Variants in RABGAP1L observed in about 807,000 individuals in gnomAD.
RABGAP1L encodes the protein RAB GTPase activating protein 1 like.
Under a neutral mutation model 137.7 loss-of-function variants are expected in RABGAP1L, and 63 were observed. The observed-to-expected ratio is 0.46, with a 90% CI of 0.37 to 0.56. RABGAP1L has a LOEUF of 0.56. Among genes scored for constraint, RABGAP1L ranks in the 20% least tolerant of loss-of-function variants. The probability of loss-of-function intolerance (pLI) is 0.00; values close to 1 mark genes in which losing one functional copy is unlikely to be tolerated. For missense variants in RABGAP1L, 1,095 were observed against 1,244.0 expected, an observed-to-expected ratio of 0.88 and a Z score of 1.80; for synonymous variants, 431 against 433.7, an observed-to-expected ratio of 0.99 and a Z score of 0.08.
chr1:174,964,942 T>C (rs766367895), intron 20 of RABGAP1L: 3 of 1,508,148 alleles, frequency 2.0e-6, no homozygotes, highest in Non-Finnish European at 2.7e-6. Context: ...ATTGTCTTTG[T>C]ACCTATGATT....
chr1:174,239,461 C>A (rs1671593852), intron 4 of RABGAP1L, among the ~76,000 whole-genome samples: 1 of 152,282 alleles, frequency 6.6e-6, no homozygotes, highest in African/African-American at 2.4e-5. Flanking sequence ...CTAAGTAAAT[C>A]TTTCCCTGAT....
At chr1:174,547,029 C>CA (rs375413887) in intron 13 of RABGAP1L, among the ~76,000 whole-genome samples, 19,968 of 77,388 alleles carry the variant, frequency 0.26, 4,854 homozygotes, top group East Asian at 0.59. Context: ...GACTCTGTCT[C>CA]AAAAAAAAAA....
intron 19 of RABGAP1L, among the ~76,000 whole-genome samples, chr1:174,952,789 C>T (rs1361944879): frequency 6.6e-6 from 1 of 151,962 alleles, no homozygotes; most frequent in Non-Finnish European, 1.5e-5. Flanking sequence ...AGGTTTTCAC[C>T]ATTTTGTCCA....
chr1:174,666,518 T>C (rs1322810227), intron 14 of RABGAP1L, among the ~76,000 whole-genome samples: 1 of 152,208 alleles, frequency 6.6e-6, no homozygotes, highest in African/African-American at 2.4e-5. Context: ...CTGGCAAATA[T>C]GTCAGTATGT....
intron 13 of RABGAP1L, among the ~76,000 whole-genome samples, chr1:174,617,608 A>G (rs1355023125): frequency 6.6e-6 from 1 of 152,220 alleles, no homozygotes; most frequent in African/African-American, 2.4e-5. Flanking sequence ...GTGCTGTTAT[A>G]AAAGGGCATA....
chr1:174,849,090 G>C (rs1012210178), intron 19 of RABGAP1L, among the ~76,000 whole-genome samples: 1 of 152,164 alleles, frequency 6.6e-6, no homozygotes, highest in Admixed American at 6.5e-5. Context: ...TTCGGCTCGC[G>C]CACGGTGCGT....
intron 15 of RABGAP1L, among the ~76,000 whole-genome samples, chr1:174,694,568 A>G (rs1410761113): frequency 8.6e-5 from 13 of 151,596 alleles, no homozygotes; most frequent in Non-Finnish European, 1.5e-5. Flanking sequence ...CATGGTGTAC[A>G]TGTGCCACAT....
At position 174,244,180 on chromosome 1, in the gene RABGAP1L, C is replaced by T. The variant is rs188925463; in HGVS notation, c.717+2523C>T. The T allele has an allele frequency of 7.9e-5, 12 of 152,328 alleles. No homozygotes were observed. In the East Asian group the frequency reaches 2.3e-3, roughly 29 times the overall value. The allele number at this position is 152,328 out of a possible 1,614,324, so 9.4% of individuals were successfully genotyped here. The stretch of plus-strand genomic sequence containing the variant: ...TTTAGTCGTTAGTATTTGAGTGCCT[C>T]TTGATGGGCACAAACAGTTGGCAGA... On this transcript the variant is annotated intron_variant, in intron 5 of 25. Coordinates refer to ENST00000681986, the MANE Select transcript of RABGAP1L (RefSeq NM_001366446.1).
intron 19 of RABGAP1L, chr1:174,850,100 G>T: frequency 2.0e-6 from 1 of 508,702 alleles, no homozygotes. Context: ...GCTTCATCTT[G>T]TTGATTTCCC....
intron 13 of RABGAP1L, among the ~76,000 whole-genome samples, chr1:174,446,509 A>G (rs2149245522): frequency 6.6e-6 from 1 of 152,328 alleles, no homozygotes; most frequent in South Asian, 2.1e-4. Flanking sequence ...AAATGACTTC[A>G]CTTTTAAAAA....
At chr1:174,313,363 G>T (rs1418629676) in intron 11 of RABGAP1L, among the ~76,000 whole-genome samples, 15 of 152,186 alleles carry the variant, frequency 9.9e-5, no homozygotes, top group Admixed American at 9.8e-4. Flanking sequence ...TAGTTTTGTG[G>T]TGGAGCCTTT....
chr1:174,636,216 A>G (rs1393327857), intron 13 of RABGAP1L, among the ~76,000 whole-genome samples: 90 of 152,318 alleles, frequency 5.9e-4, no homozygotes, highest in Non-Finnish European at 7.3e-5. Context: ...TGTCTTCAAC[A>G]AATATCTAGG....
Position 174,569,743 on chromosome 1 carries a change from A to G in RABGAP1L, c.1711-67632A>G, listed in dbSNP as rs147463994. On this transcript the variant is annotated intron_variant, in intron 13 of 25. Coordinates refer to ENST00000681986, the MANE Select transcript of RABGAP1L (RefSeq NM_001366446.1). ...TGTCCAGAGATGGATTCAAGAATTC[A>G]GTGGTGTATTTTCTCAGCTTTCTTG... Among the ~76,000 whole-genome samples, 617 of 152,342 alleles carry G rather than the reference A, an allele frequency of 4.1e-3. 6 individuals carry two copies. Among genetic ancestry groups the G allele is most frequent in the African/African-American group, 0.012 (501 of 41,582 alleles).
intron 13 of RABGAP1L, among the ~76,000 whole-genome samples, chr1:174,410,465 G>T (rs1267136353): frequency 1.3e-5 from 2 of 152,108 alleles, no homozygotes; most frequent in Non-Finnish European, 2.9e-5. Flanking sequence ...CAGGGATAAT[G>T]TGTGGCTAAG....
At chr1:174,248,488 TATG>T (rs1672446778) in intron 5 of RABGAP1L, among the ~76,000 whole-genome samples, 1 of 152,198 alleles carries the variant, frequency 6.6e-6, no homozygotes, top group South Asian at 2.1e-4. Context: ...TTGGGAACAT[TATG>T]ATATAAATAT....
chr1:174,171,415 A>G (rs1452720791), intron 1 of RABGAP1L, among the ~76,000 whole-genome samples: 2 of 152,234 alleles, frequency 1.3e-5, no homozygotes, highest in Non-Finnish European at 2.9e-5. Flanking sequence ...ATACACAGAT[A>G]CAAAATCATG....
At chr1:174,457,991 T>TA (rs1164817721) in intron 13 of RABGAP1L, among the ~76,000 whole-genome samples, 3 of 152,192 alleles carry the variant, frequency 2.0e-5, no homozygotes, top group Non-Finnish European at 4.4e-5. Context: ...TTTAAGTATT[T>TA]ATCAGGTTGC....
intron 11 of RABGAP1L, among the ~76,000 whole-genome samples, chr1:174,318,978 C>T (rs973186098): frequency 1.3e-5 from 2 of 151,862 alleles, no homozygotes; most frequent in Non-Finnish European, 2.9e-5. Flanking sequence ...TGTCTTTTAA[C>T]CTTCATACTG....
chr1:174,892,124 C>G (rs909383040), intron 19 of RABGAP1L, among the ~76,000 whole-genome samples: 4 of 152,246 alleles, frequency 2.6e-5, no homozygotes, highest in Non-Finnish European at 5.9e-5. Flanking sequence ...CCCGTGGCTT[C>G]CCTGGCTCCT....
Sources: allele counts gnomAD v4.1 joint callset (sites outside exome capture counted in the v4.1 genomes callset), GRCh38; gene constraint gnomAD v4.1.1; transcripts MANE v1.5; gene names NCBI Gene and HGNC (gene_info 2026-07-23, HGNC 2026-07-21).